The following NF1 variants were observed in gnomAD, a reference collection of about 807,000 sequenced individuals.
NF1 encodes neurofibromin.
In NF1, 122 loss-of-function variants were observed where a neutral mutation model predicts 325.7. The observed-to-expected ratio is 0.37, with a 90% CI of 0.32 to 0.44. The LOEUF (loss-of-function observed/expected upper bound fraction) is 0.44. Ranked by LOEUF, NF1 falls within the 20% of genes least tolerant of loss-of-function variation. The probability of loss-of-function intolerance (pLI) is 1.00; values close to 1 mark genes in which losing one functional copy is unlikely to be tolerated. For synonymous variants in NF1, 1,091 were observed against 1,186.0 expected (o/e 0.92, Z 1.65); for missense variants, 2,140 against 3,415.4 (o/e 0.63, Z 9.31).
intron 29 of NF1, among the ~76,000 whole-genome samples, chr17:31,240,717 T>G (rs1031454054): frequency 3.9e-5 from 6 of 152,210 alleles, no homozygotes; most frequent in African/African-American, 9.6e-5. Flanking sequence ...GGGTTCCCTT[T>G]TCTCACTTTT....
Position 31,282,199 on chromosome 17 carries a change from G to A in NF1, c.4835+16860G>A, listed in dbSNP as rs965245296. Among the ~76,000 whole-genome samples, 23 of 151,730 alleles carry A rather than the reference G, an allele frequency of 1.5e-4. 1 individual carries two copies. The highest frequency in any genetic ancestry group is 1.5e-3 in the Admixed American group (23 of 15,232). The stretch of plus-strand genomic sequence containing the variant: ...AGATCAAGACCATCCTGGCTAACAC[G>A]GTGAAACCCCGTCTCTACTAAAAAT... On this transcript the variant is annotated intron_variant, in intron 36 of 57. Transcript: ENST00000358273.
rs2070720146 is a variant in NF1, at chr17:31,375,585, T to C, written c.*1430T>C. On this transcript the variant is annotated 3_prime_UTR_variant, in exon 58 of 58. Transcript: ENST00000358273. Reference sequence around the variant, plus strand: ...TATTACAAAAAGATATTAATCCCTCTACTCCCAGGTTCCCTTTATATGTTA... The same window carrying C: ...TATTACAAAAAGATATTAATCCCTCCACTCCCAGGTTCCCTTTATATGTTA... 8.6e-6 allele frequency: 2 copies of C among 232,418 alleles called. No individual in the cohort carries two copies. The highest frequency in any genetic ancestry group is 1.7e-5 in the Non-Finnish European group (2 of 117,394). 14.4% of individuals were successfully genotyped at this position (232,418 alleles called of 1,614,324 possible).
chr17:31,115,150 T>C (rs951337519), intron 1 of NF1, among the ~76,000 whole-genome samples: 6 of 152,144 alleles, frequency 3.9e-5, no homozygotes, highest in Non-Finnish European at 8.8e-5. Context: ...CATTTGGCAA[T>C]GCCTGGAGAC....
At chr17:31,131,145 G>A (rs1915354708) in intron 1 of NF1, among the ~76,000 whole-genome samples, 2 of 152,182 alleles carry the variant, frequency 1.3e-5, no homozygotes, top group Non-Finnish European at 2.9e-5. Flanking sequence ...GGAGCAAGTC[G>A]AGCCTTGGGG....
chr17:31,311,575 C>T (rs1478837292), intron 36 of NF1, among the ~76,000 whole-genome samples: 3 of 152,190 alleles, frequency 2.0e-5, no homozygotes, highest in South Asian at 2.1e-4. Flanking sequence ...CCTTCAACTA[C>T]AATAGGAAGT....
At chr17:31,117,044 C>T (rs1031356625) in intron 1 of NF1, among the ~76,000 whole-genome samples, 4 of 151,874 alleles carry the variant, frequency 2.6e-5, no homozygotes, top group Non-Finnish European at 5.9e-5. Flanking sequence ...TGCAGTGGTG[C>T]TATTTTGGCT....
chr17:31,201,039 C>G lies in NF1; in HGVS notation c.1065C>G (p.Asn355Lys), dbSNP rs781012541. Residue 355 changes from asparagine (N) to lysine (K), a missense_variant and splice_region_variant, in exon 10 of 58, where the codon AAC becomes AAG. By Grantham distance (94) the Asn-to-Lys change is moderately conservative. Transcript: ENST00000358273. ...GTTTTCTGTTGGGGTTTTTATAGAACCTGCTTTTTAATCCAAGTAAGCCAT... is the reference window on the plus strand; with the variant it reads ...GTTTTCTGTTGGGGTTTTTATAGAAGCTGCTTTTTAATCCAAGTAAGCCAT... ...LVQSMVVDLK[N>K]LLFNPSKPFS... The G allele has an allele frequency of 2.5e-6, 4 of 1,613,378 alleles. No individual in the cohort carries two copies. The highest frequency in any genetic ancestry group is 3.4e-6 in the Non-Finnish European group (4 of 1,179,902).
chr17:31,295,604 A>G (rs2151499295), intron 36 of NF1: 4 of 1,614,164 alleles, frequency 2.5e-6, no homozygotes, highest in East Asian at 2.2e-5. Context: ...TTTTGTTTCC[A>G]TCATCCACTT....
At chr17:31,154,900 C>T (rs2065630789) in intron 1 of NF1, among the ~76,000 whole-genome samples, 1 of 151,926 alleles carries the variant, frequency 6.6e-6, no homozygotes, top group African/African-American at 2.4e-5. Flanking sequence ...GCACTACACC[C>T]AGCTAATTTT....
At chr17:31,317,575 A>C (rs1174043386) in intron 36 of NF1, 1 of 152,166 alleles carries the variant, frequency 6.6e-6, no homozygotes, top group Non-Finnish European at 1.5e-5. Flanking sequence ...GTGTGGCTAT[A>C]AATCTTATTT....
intron 30 of NF1, 87 bp from the exon 31 acceptor site, chr17:31,252,851 G>A: frequency 2.0e-6 from 2 of 1,024,166 alleles, no homozygotes; most frequent in East Asian, 2.4e-5. Context: ...ACATTTTATG[G>A]TGTAATTTTA....
intron 1 of NF1, among the ~76,000 whole-genome samples, chr17:31,099,852 C>T (rs1478504947): frequency 1.3e-5 from 2 of 152,146 alleles, no homozygotes; most frequent in African/African-American, 2.4e-5. Flanking sequence ...TGAGCCACCA[C>T]GCCCGGCCAT....
At chr17:31,367,397 T>G in intron 57 of NF1, 2 of 502,752 alleles carry the variant, frequency 4.0e-6, no homozygotes, top group Non-Finnish European at 6.7e-6. Flanking sequence ...TTAGGCACTT[T>G]AGGAACTTGT....
chr17:31,296,158 T>C, intron 36 of NF1: 1 of 1,612,088 alleles, frequency 6.2e-7, no homozygotes, highest in Non-Finnish European at 8.5e-7. Context: ...GGTTTAAATG[T>C]ATAATATTCT....
chr17:31,275,752 T>A (rs2067995598), intron 36 of NF1, among the ~76,000 whole-genome samples: 1 of 152,194 alleles, frequency 6.6e-6, no homozygotes, highest in South Asian at 2.1e-4. Context: ...CACGTCAGAA[T>A]CAGTCATTTT....
chr17:31,373,924 T>C (rs543635461), intron 57 of NF1, 89 bp from the exon 58 acceptor site: 1 of 1,517,176 alleles, frequency 6.6e-7, no homozygotes, highest in African/African-American at 1.4e-5. Flanking sequence ...TCCTAGAATG[T>C]GTCCCCGTTG....
At chr17:31,243,473 C>T (rs2067339148) in intron 29 of NF1, among the ~76,000 whole-genome samples, 1 of 152,140 alleles carries the variant, frequency 6.6e-6, no homozygotes, top group Non-Finnish European at 1.5e-5. Context: ...CAGAGATCTA[C>T]CTAGTGCTCT....
At chr17:31,281,616 A>T (rs1159399922) in intron 36 of NF1, among the ~76,000 whole-genome samples, 1 of 152,002 alleles carries the variant, frequency 6.6e-6, no homozygotes, top group Non-Finnish European at 1.5e-5. Context: ...CTGCTTTTGC[A>T]TACTCTTTTC....
At chr17:31,162,126 A>AAGG (rs1378538705) in intron 3 of NF1, among the ~76,000 whole-genome samples, 1 of 152,012 alleles carries the variant, frequency 6.6e-6, no homozygotes, top group East Asian at 1.9e-4. Flanking sequence ...TAATTAAATC[A>AAGG]AGGATATGGA....
Sources: gnomAD v4.1 joint callset for allele counts (sites outside exome capture counted in the v4.1 genomes callset) on GRCh38, gnomAD v4.1.1 for gene constraint, MANE v1.5 for transcripts, NCBI Gene and HGNC (gene_info 2026-07-23, HGNC 2026-07-21) for gene names.